Variants in PDE6D observed in about 807,000 individuals in gnomAD.
PDE6D encodes the protein retinal rod rhodopsin-sensitive cGMP 3',5'-cyclic phosphodiesterase subunit delta.
In PDE6D, 10 loss-of-function variants were observed where a neutral mutation model predicts 21.9. That is an observed-to-expected ratio of 0.46 (90% confidence interval 0.28 to 0.78). The LOEUF (loss-of-function observed/expected upper bound fraction) is 0.78. Among genes scored for constraint, PDE6D ranks in the 30% least tolerant of loss-of-function variants. The pLI is 0.12. For missense variants in PDE6D, 139 were observed against 184.8 expected (o/e 0.75, Z 1.44); for synonymous variants, 59 against 63.5 (o/e 0.93, Z 0.34).
intron 1 of PDE6D, among the ~76,000 whole-genome samples, chr2:231,757,797 TG>T (rs2048894748): frequency 6.6e-6 from 1 of 152,168 alleles, no homozygotes; most frequent in South Asian, 2.1e-4. Flanking sequence ...ACATGTATAA[TG>T]TGATCACAGT....
At chr2:231,738,914 T>G (rs2048724961) in intron 2 of PDE6D, among the ~76,000 whole-genome samples, 186 bp downstream of exon 2, 1 of 113,154 alleles carries the variant, frequency 8.8e-6, no homozygotes, top group African/African-American at 3.5e-5. Context: ...AGCAAGACTG[T>G]GTCTCAAAAA....
intron 1 of PDE6D, among the ~76,000 whole-genome samples, chr2:231,779,839 T>C (rs926085174): frequency 4.6e-5 from 7 of 152,222 alleles, no homozygotes; most frequent in Non-Finnish European, 1.0e-4. Flanking sequence ...GTCTAAAATG[T>C]ATTACCAACT....
At chr2:231,766,027 G>A (rs1258875805) in intron 1 of PDE6D, among the ~76,000 whole-genome samples, 2 of 152,100 alleles carry the variant, frequency 1.3e-5, no homozygotes, top group East Asian at 1.9e-4. Flanking sequence ...TCTAATTCAC[G>A]GTCATTTAAA....
intron 1 of PDE6D, among the ~76,000 whole-genome samples, chr2:231,748,528 G>C (rs570897500): frequency 6.6e-6 from 1 of 152,306 alleles, no homozygotes; most frequent in South Asian, 2.1e-4. Context: ...CTATGTGATA[G>C]AAAAGAAAAA....
intron 1 of PDE6D, among the ~76,000 whole-genome samples, chr2:231,753,498 C>T (rs2048859264): frequency 6.6e-6 from 1 of 151,906 alleles, no homozygotes; most frequent in African/African-American, 2.4e-5. Context: ...TTGCAGTGAG[C>T]CGAGATCGTG....
chr2:231,736,121 T>C (rs2048700224), intron 4 of PDE6D, among the ~76,000 whole-genome samples: 1 of 151,972 alleles, frequency 6.6e-6, no homozygotes, highest in South Asian at 2.1e-4. Flanking sequence ...GGAAGATCAC[T>C]TGAGCCCAGG....
rs138493387 is a variant in PDE6D, at chr2:231,770,943, GACTTC to G, written c.50+10117_50+10121del. 1.9e-3 allele frequency among the ~76,000 whole-genome samples: 278 copies of G among 148,118 alleles called. 1 individual carries two copies. The highest frequency in any genetic ancestry group is 3.9e-3 in the Admixed American group (58 of 14,970). The stretch of plus-strand genomic sequence containing the variant: ...ACTCCAGCCTGGGTGACAAGAGTGA[GACTTC>G]ATTTCAAAAAAAAAAAAACCCACAA... On this transcript the variant is annotated intron_variant, in intron 1 of 4. Transcript: ENST00000287600.
intron 1 of PDE6D, among the ~76,000 whole-genome samples, chr2:231,761,475 C>T (rs1228911997): frequency 6.6e-6 from 1 of 152,192 alleles, no homozygotes; most frequent in Non-Finnish European, 1.5e-5. Context: ...CAGGCCTGGC[C>T]TATGAATCAA....
At chr2:231,773,291 G>A (rs1305719258) in intron 1 of PDE6D, among the ~76,000 whole-genome samples, 1 of 152,128 alleles carries the variant, frequency 6.6e-6, no homozygotes, top group East Asian at 1.9e-4. Flanking sequence ...ATCCATTCAG[G>A]ATAACAATAC....
Position 231,739,879 on chromosome 2 carries a change from G to A in PDE6D, c.51-691C>T, listed in dbSNP as rs2048733587. Reference sequence around the variant, plus strand: ...ACTCCTGACCTCAAGTGATCTGTCTGCCTCAGCCTCTGAGTGCCCTGTTTT... The same window carrying A: ...ACTCCTGACCTCAAGTGATCTGTCTACCTCAGCCTCTGAGTGCCCTGTTTT... On this transcript the variant is annotated intron_variant, in intron 1 of 4. Transcript: ENST00000287600. The surrounding 1 kb of genome is among the most constrained non-coding windows in gnomAD (Gnocchi z 4.2). Among the ~76,000 whole-genome samples, 1 of 152,202 alleles carries A rather than the reference G, an allele frequency of 6.6e-6. No individual in the cohort carries two copies. Among genetic ancestry groups the A allele is most frequent in the East Asian group, 1.9e-4 (1 of 5,182 alleles).
At chr2:231,776,177 C>T (rs959168671) in intron 1 of PDE6D, among the ~76,000 whole-genome samples, 4 of 151,818 alleles carry the variant, frequency 2.6e-5, no homozygotes, top group East Asian at 1.9e-4. Flanking sequence ...AAAAATTAGC[C>T]GGGCGTGGTG....
Position 231,732,848 on chromosome 2 carries a change from T to C in PDE6D, c.*104A>G. ...AGGTAGGTTCTGCTGTTGAGGGAAT[T>C]AGGGGTGTATGTGTCAAAAATCAAA... On this transcript the variant is annotated 3_prime_UTR_variant, in exon 5 of 5. Coordinates refer to ENST00000287600, the MANE Select transcript of PDE6D (RefSeq NM_002601.4). The C allele has an allele frequency of 1.3e-6, 1 of 755,970 alleles. No individual in the cohort carries two copies. The highest frequency in any genetic ancestry group is 2.3e-6 in the Non-Finnish European group (1 of 427,578). 46.8% of individuals were successfully genotyped at this position (755,970 alleles called of 1,614,324 possible).
intron 1 of PDE6D, among the ~76,000 whole-genome samples, chr2:231,772,487 A>G (rs16828400): frequency 0.013 from 1,932 of 152,320 alleles, 39 homozygotes; most frequent in African/African-American, 0.044. Flanking sequence ...GAACTTTGAC[A>G]ATTTGAGTTT....
intron 1 of PDE6D, among the ~76,000 whole-genome samples, chr2:231,765,371 A>T (rs369507656): frequency 2.6e-5 from 4 of 151,986 alleles, no homozygotes; most frequent in South Asian, 4.2e-4. Context: ...GAACCAAAAA[A>T]CCTCCACTCT....
chr2:231,775,597 A>G (rs2049049715), intron 1 of PDE6D, among the ~76,000 whole-genome samples: 1 of 150,670 alleles, frequency 6.6e-6, no homozygotes, highest in Non-Finnish European at 1.5e-5. Flanking sequence ...TGCTGGGATT[A>G]CAGGCATGAG....
At chr2:231,748,876 A>G (rs2048814704) in intron 1 of PDE6D, among the ~76,000 whole-genome samples, 1 of 152,242 alleles carries the variant, frequency 6.6e-6, no homozygotes, top group African/African-American at 2.4e-5. Context: ...GCGGGTGCAC[A>G]GAAGTCAAGA....
rs1441989526 is a variant in PDE6D at position 231,739,249 on chromosome 2, G to A, written c.51-61C>T. The A allele has an allele frequency of 2.7e-5, 28 of 1,023,716 alleles. No homozygotes were observed. Among genetic ancestry groups the A allele is most frequent in the Non-Finnish European group, 4.2e-5 (27 of 642,286 alleles). 63.4% of individuals were successfully genotyped at this position (1,023,716 alleles called of 1,614,324 possible). ...AAAGTGACTCCCACTTTGTATTCTA[G>A]GTGTCTCATGTTTACTCCCACCAAC... On this transcript the variant is annotated intron_variant, in intron 1 of 4. Transcript: ENST00000287600. The surrounding 1 kb of genome is among the most constrained non-coding windows in gnomAD (Gnocchi z 4.2).
At chr2:231,750,172 T>C (rs2048826470) in intron 1 of PDE6D, among the ~76,000 whole-genome samples, 1 of 152,178 alleles carries the variant, frequency 6.6e-6, no homozygotes, top group Non-Finnish European at 1.5e-5. Flanking sequence ...CTTGCTGCTG[T>C]CATGTAAGAG....
chr2:231,737,985 G>A, intron 3 of PDE6D, 28 bp downstream of exon 3: 2 of 1,604,552 alleles, frequency 1.2e-6, no homozygotes, highest in Non-Finnish European at 1.7e-6. Context: ...CCTAAGCCCT[G>A]ATTTCAGGCA....
Sources: allele counts gnomAD v4.1 joint callset (sites outside exome capture counted in the v4.1 genomes callset), GRCh38; gene constraint gnomAD v4.1.1; non-coding constraint Gnocchi (gnomAD v3.1); transcripts MANE v1.5; gene names NCBI Gene and HGNC (gene_info 2026-07-23, HGNC 2026-07-21).